The following ST6GALNAC5 variants were observed in gnomAD, a reference collection of about 807,000 sequenced individuals.
ST6GALNAC5 encodes the protein alpha-N-acetylgalactosaminide alpha-2,6-sialyltransferase 5.
In ST6GALNAC5, 27 loss-of-function variants were observed where a neutral mutation model predicts 33.6. The ratio of observed to expected loss-of-function variants is 0.80; its 90% confidence interval spans 0.59 to 1.11. ST6GALNAC5 has a LOEUF of 1.11. ST6GALNAC5 is among the 50% of genes least tolerant of loss of function. The pLI is 0.00. For missense variants in ST6GALNAC5, 428 were observed against 454.0 expected (o/e 0.94, Z 0.52); for synonymous variants, 194 against 171.2 (o/e 1.13, Z -1.04).
intron 2 of ST6GALNAC5, among the ~76,000 whole-genome samples, chr1:77,017,028 C>A (rs1037736827): frequency 5.3e-5 from 8 of 151,174 alleles, no homozygotes; most frequent in African/African-American, 1.9e-4. Flanking sequence ...AATCATTGAA[C>A]CAAAAGAGAG....
intron 2 of ST6GALNAC5, among the ~76,000 whole-genome samples, chr1:76,908,444 C>T (rs1646883966): frequency 6.6e-6 from 1 of 152,164 alleles, no homozygotes; most frequent in African/African-American, 2.4e-5. Flanking sequence ...CCAAAGGCCT[C>T]ACCTCATAAC....
At chr1:77,022,113 G>T (rs1413131356) in intron 2 of ST6GALNAC5, among the ~76,000 whole-genome samples, 3 of 152,188 alleles carry the variant, frequency 2.0e-5, no homozygotes, top group Non-Finnish European at 2.9e-5. Context: ...TCTTCTGCAG[G>T]AGAGTAGTGT....
intron 3 of ST6GALNAC5, among the ~76,000 whole-genome samples, chr1:77,046,062 G>A (rs529720240): frequency 5.3e-5 from 8 of 152,238 alleles, no homozygotes; most frequent in Non-Finnish European, 1.0e-4. Flanking sequence ...ACTTTCATAC[G>A]TTTGTGATGT....
chr1:76,887,859 T>G (rs1653931300), intron 2 of ST6GALNAC5, among the ~76,000 whole-genome samples: 1 of 152,190 alleles, frequency 6.6e-6, no homozygotes, highest in Admixed American at 6.5e-5. Flanking sequence ...TTTTTTTGGC[T>G]TTTTTCCTCC....
At chr1:76,996,569 A>T (rs958145203) in intron 2 of ST6GALNAC5, among the ~76,000 whole-genome samples, 49 of 152,200 alleles carry the variant, frequency 3.2e-4, no homozygotes, top group African/African-American at 1.1e-3. Flanking sequence ...GGTTTGCACA[A>T]ACGTTAACAA....
At chr1:76,871,956 A>T (rs995125361) in intron 2 of ST6GALNAC5, among the ~76,000 whole-genome samples, 3 of 151,914 alleles carry the variant, frequency 2.0e-5, no homozygotes, top group African/African-American at 7.3e-5. Context: ...CTCAGTCCCG[A>T]TTTGTGGAAG....
Position 76,918,543 on chromosome 1 carries a change from C to CG in ST6GALNAC5, c.261+49806dup, listed in dbSNP as rs571592204. Among the ~76,000 whole-genome samples the CG allele has an allele frequency of 2.7e-3, 380 of 140,266 alleles. 2 individuals are homozygous for CG. The highest frequency in any genetic ancestry group is 9.5e-3 in the African/African-American group (365 of 38,474). The allele number at this position is 140,266 out of a possible 152,430, so 92.0% of individuals were successfully genotyped here. A position where few individuals can be genotyped will look rare whatever the true frequency, so the allele number is the denominator to read the frequency against. On this transcript the variant is annotated intron_variant, in intron 2 of 4. Transcript: ENST00000477717. Reference sequence around the variant, plus strand: ...TGAGGCAGGAGAATCGCTTGAACCCCGGGGGCAGAGCTTGCAGTGAGCCGA... The same window carrying CG: ...TGAGGCAGGAGAATCGCTTGAACCCCGGGGGGCAGAGCTTGCAGTGAGCCGA...
chr1:77,012,485 A>G (rs1650669124), intron 2 of ST6GALNAC5, among the ~76,000 whole-genome samples: 1 of 152,090 alleles, frequency 6.6e-6, no homozygotes, highest in African/African-American at 2.4e-5. Context: ...AAACCTAGGG[A>G]TAGTAGGGGA....
At chr1:76,880,463 TA>T (rs1480882361) in intron 2 of ST6GALNAC5, among the ~76,000 whole-genome samples, 1 of 152,174 alleles carries the variant, frequency 6.6e-6, no homozygotes. Context: ...CATATACACA[TA>T]ATACTTAATA....
At chr1:76,912,135 C>A (rs1275867624) in intron 2 of ST6GALNAC5, among the ~76,000 whole-genome samples, 1 of 152,006 alleles carries the variant, frequency 6.6e-6, no homozygotes, top group Non-Finnish European at 1.5e-5. Flanking sequence ...TCTTTGTTCT[C>A]GTTGGTTTCA....
intron 2 of ST6GALNAC5, among the ~76,000 whole-genome samples, chr1:77,035,053 A>G (rs1570121052): frequency 6.6e-6 from 1 of 152,172 alleles, no homozygotes; most frequent in African/African-American, 2.4e-5. Context: ...AATCAGAAGC[A>G]CTGGAGGGCT....
At chr1:76,969,317 C>G (rs967134916) in intron 2 of ST6GALNAC5, among the ~76,000 whole-genome samples, 1 of 152,226 alleles carries the variant, frequency 6.6e-6, no homozygotes, top group Admixed American at 6.5e-5. Context: ...ACAGGACACT[C>G]CTGCCCAAAT....
At chr1:76,951,864 T>A (rs1042500999) in intron 2 of ST6GALNAC5, among the ~76,000 whole-genome samples, 2 of 152,086 alleles carry the variant, frequency 1.3e-5, no homozygotes, top group African/African-American at 4.8e-5. Context: ...AACTGATGAA[T>A]GAATATAGTC....
At chr1:76,915,771 C>A (rs1646965554) in intron 2 of ST6GALNAC5, among the ~76,000 whole-genome samples, 3 of 151,098 alleles carry the variant, frequency 2.0e-5, no homozygotes, top group Admixed American at 2.0e-4. Context: ...TGCTGCACAC[C>A]AGCATGGCAC....
At chr1:76,876,942 C>A (rs987012017) in intron 2 of ST6GALNAC5, among the ~76,000 whole-genome samples, 1 of 152,190 alleles carries the variant, frequency 6.6e-6, no homozygotes, top group African/African-American at 2.4e-5. Flanking sequence ...GGCATTTGAG[C>A]CACTTCCTCA....
At chr1:76,876,535 A>T (rs1653642730) in intron 2 of ST6GALNAC5, among the ~76,000 whole-genome samples, 1 of 152,192 alleles carries the variant, frequency 6.6e-6, no homozygotes, top group African/African-American at 2.4e-5. Context: ...GTCCATCCAC[A>T]TACCTCTTCC....
chr1:77,007,257 G>A (rs1019598651), intron 2 of ST6GALNAC5, among the ~76,000 whole-genome samples: 19 of 152,162 alleles, frequency 1.2e-4, no homozygotes, highest in Non-Finnish European at 1.2e-4. Flanking sequence ...TTCTCCTGCC[G>A]TAATAAATCT....
At position 76,900,906 on chromosome 1, in the gene ST6GALNAC5, T is replaced by C. The variant is rs185193395; in HGVS notation, c.261+32164T>C. ...TCAGATAAGGAATTGTGAACAGTCTTATGGATTAATACGTTCTCAGAACAT... is the reference window on the plus strand; with the variant it reads ...TCAGATAAGGAATTGTGAACAGTCTCATGGATTAATACGTTCTCAGAACAT... On this transcript the variant is annotated intron_variant, in intron 2 of 4. Coordinates refer to ENST00000477717, the MANE Select transcript of ST6GALNAC5 (RefSeq NM_030965.3). Among the ~76,000 whole-genome samples, 521 of 152,280 alleles carry C rather than the reference T, an allele frequency of 3.4e-3. 2 individuals carry two copies. The highest frequency in any genetic ancestry group is 0.012 in the African/African-American group (507 of 41,554).
At chr1:76,994,045 G>A (rs1228042699) in intron 2 of ST6GALNAC5, among the ~76,000 whole-genome samples, 1 of 152,102 alleles carries the variant, frequency 6.6e-6, no homozygotes, top group Non-Finnish European at 1.5e-5. Flanking sequence ...CAACTACAAT[G>A]TCATTATAAA....
Sources: gnomAD v4.1 joint callset for allele counts (sites outside exome capture counted in the v4.1 genomes callset) on GRCh38, gnomAD v4.1.1 for gene constraint, MANE v1.5 for transcripts, NCBI Gene and HGNC (gene_info 2026-07-23, HGNC 2026-07-21) for gene names.